Variants in EXTL3 observed in about 807,000 individuals in gnomAD.
The protein encoded by EXTL3 is exostosin like glycosyltransferase 3.
A neutral mutation model predicts 69.3 loss-of-function variants in EXTL3; 27 were observed. The observed-to-expected ratio is 0.39, with a 90% CI of 0.29 to 0.54. The LOEUF is 0.54. Among genes scored for constraint, EXTL3 ranks in the 20% least tolerant of loss-of-function variants. The probability of loss-of-function intolerance (pLI) is 0.69; values close to 1 mark genes in which losing one functional copy is unlikely to be tolerated. For missense variants in EXTL3, 1,003 were observed against 1,231.8 expected, an observed-to-expected ratio of 0.81 and a Z score of 2.78; for synonymous variants, 511 against 499.4, an observed-to-expected ratio of 1.02 and a Z score of -0.31.
intron 3 of EXTL3, among the ~76,000 whole-genome samples, chr8:28,722,614 A>G (rs916581310): frequency 6.6e-6 from 1 of 151,900 alleles, no homozygotes; most frequent in African/African-American, 2.4e-5. Context: ...CATCTCTACA[A>G]AAAAATAGAA....
chr8:28,620,322 C>A (rs1181103744), upstream of EXTL3, among the ~76,000 whole-genome samples: 1 of 152,180 alleles, frequency 6.6e-6, no homozygotes, highest in Non-Finnish European at 1.5e-5. Context: ...TCTCATTTCA[C>A]CCCTGTGGTC....
rs28587335 is a variant in EXTL3, at chr8:28,607,929, C to A, written n.314+171C>A. On this transcript the variant is annotated intron_variant and non_coding_transcript_variant, in intron 2 of 4. Coordinates refer to the EXTL3 transcript ENST00000522725. ...AGATCGAGACCATCCTGGCTAACAC[C>A]ATGAAACCCCGTCTCTACTAAATAC... Among the ~76,000 whole-genome samples, 53 of 151,022 alleles carry A rather than the reference C, an allele frequency of 3.5e-4. No individual in the cohort carries two copies. The Middle Eastern group carries it at 0.01, about 29-fold the overall frequency.
intron 1 of EXTL3, among the ~76,000 whole-genome samples, chr8:28,636,817 C>T (rs1478022414): frequency 2.6e-5 from 4 of 152,146 alleles, no homozygotes. Context: ...TCGAGACCAG[C>T]CTGGCCAACA....
At chr8:28,655,784 C>T (rs527949329) in intron 1 of EXTL3, among the ~76,000 whole-genome samples, 14 of 152,280 alleles carry the variant, frequency 9.2e-5, no homozygotes, top group African/African-American at 2.9e-4. Context: ...TGAGCTGCTG[C>T]ACCTGGCCTA....
chr8:28,753,864 T>TG lies in EXTL3; in HGVS notation c.*3001dup, dbSNP rs755121019. 14 of 151,996 alleles carry TG rather than the reference T, an allele frequency of 9.2e-5. No homozygotes were observed. The highest frequency in any genetic ancestry group is 2.1e-4 in the Non-Finnish European group (14 of 68,012). 9.4% of individuals were successfully genotyped at this position (151,996 alleles called of 1,614,324 possible). The stretch of plus-strand genomic sequence containing the variant: ...CCTGGTGTGGGCTGTGGACCAGAGA[T>TG]GGGTGAACAGACTCACACTCACATG... On this transcript the variant is annotated 3_prime_UTR_variant, in exon 7 of 7. Transcript: ENST00000220562.
chr8:28,608,605 G>A (rs886768529), intron 2 of EXTL3, among the ~76,000 whole-genome samples: 1 of 152,056 alleles, frequency 6.6e-6, no homozygotes. Context: ...GCTCACACCT[G>A]TAATCTTAGC....
chr8:28,672,616 C>G (rs1807314878), intron 1 of EXTL3, among the ~76,000 whole-genome samples: 2 of 152,200 alleles, frequency 1.3e-5, no homozygotes, highest in South Asian at 4.1e-4. Context: ...AGGTCCCATC[C>G]AAAACCGACT....
At chr8:28,665,416 CTTTTTTTT>C (rs34069791) in intron 1 of EXTL3, among the ~76,000 whole-genome samples, 38 of 115,392 alleles carry the variant, frequency 3.3e-4, no homozygotes, top group Non-Finnish European at 3.6e-5. Context: ...CACTTGTTTA[CTTTTTTTT>C]TTTTTTTTTT....
chr8:28,643,688 T>G (rs975493592), intron 1 of EXTL3, among the ~76,000 whole-genome samples: 4 of 151,980 alleles, frequency 2.6e-5, no homozygotes, highest in African/African-American at 4.8e-5. Flanking sequence ...AAAGTGCTGG[T>G]ATTACAGGCG....
At position 28,717,311 on chromosome 8, in the gene EXTL3, C is replaced by T; in HGVS notation, c.1252C>T (p.Arg418Trp). The T allele has an allele frequency of 1.2e-6, 2 of 1,614,238 alleles. No individual in the cohort carries two copies. Among genetic ancestry groups the T allele is most frequent in the East Asian group, 2.2e-5 (1 of 44,884 alleles). The change falls in exon 3 of 7, where the codon CGG (arginine) becomes TGG (tryptophan). Residue 418 changes from arginine (R) to tryptophan (W), a missense_variant. This residue lies in a region of EXTL3 where 742 missense variants were observed against 815.4 expected (regional missense o/e 0.91). Transcript: ENST00000220562. This position sits in a 1 kb window ranked among gnomAD's most constrained non-coding sequence, Gnocchi z 8.3. ...GACTGAGTGGGCACTGTGTGGAGAG[C>T]GGGAGGACCGCTTGGAATTGCTGAA... is the stretch of plus-strand genomic sequence containing the variant. ...LPTEWALCGE[R>W]EDRLELLKLS...
intron 1 of EXTL3, among the ~76,000 whole-genome samples, chr8:28,704,806 C>T (rs1030757479): frequency 2.0e-5 from 3 of 152,124 alleles, no homozygotes; most frequent in African/African-American, 4.8e-5. Flanking sequence ...AAGTAGCTGG[C>T]ATTACAGGTG....
chr8:28,736,874 C>T (rs968339399), intron 4 of EXTL3, among the ~76,000 whole-genome samples: 5 of 152,220 alleles, frequency 3.3e-5, no homozygotes, highest in Non-Finnish European at 2.9e-5. Context: ...GCAATCATAG[C>T]TAACTGCAGC....
At chr8:28,692,106 C>A (rs1293595836) in intron 1 of EXTL3, among the ~76,000 whole-genome samples, 1 of 152,004 alleles carries the variant, frequency 6.6e-6, no homozygotes, top group Non-Finnish European at 1.5e-5. Context: ...TTTCTAAATA[C>A]CTCTTCACTT....
At chr8:28,616,453 G>A (rs1474672045) in intron 2 of EXTL3, among the ~76,000 whole-genome samples, 5 of 152,062 alleles carry the variant, frequency 3.3e-5, no homozygotes, top group South Asian at 2.1e-4. Context: ...GTGAAACCCC[G>A]CCTCTACTAA....
intron 1 of EXTL3, among the ~76,000 whole-genome samples, chr8:28,686,762 C>T (rs1016385880): frequency 1.3e-5 from 2 of 152,150 alleles, no homozygotes; most frequent in Admixed American, 6.5e-5. Flanking sequence ...TTGCATTCCA[C>T]CCGGTAGCAA....
chr8:28,614,771 TC>T (rs2130534083), intron 2 of EXTL3, among the ~76,000 whole-genome samples: 2 of 152,364 alleles, frequency 1.3e-5, no homozygotes, highest in South Asian at 4.1e-4. Flanking sequence ...TAACAATTTT[TC>T]TTGAGACTTC....
Position 28,737,585 on chromosome 8 carries a change from C to A in EXTL3, c.2343C>A (p.Pro781=). The change falls in exon 5 of 7, where the codon CCC becomes CCA. Residue 781 remains proline, a synonymous_variant. Coordinates refer to ENST00000220562, the MANE Select transcript of EXTL3 (RefSeq NM_001440.4). ...GCCGTTACCACGCATGGGACATCCC[C>A]CATCAGTCCTGGCTCTACAACTCCA... ...FPGRYHAWDI[P]HQSWLYNSNY... The A allele has an allele frequency of 6.2e-7, 1 of 1,614,078 alleles. No individual in the cohort carries two copies. The highest frequency in any genetic ancestry group is 1.3e-5 in the African/African-American group (1 of 75,056).
At chr8:28,721,549 A>T (rs990707271) in intron 3 of EXTL3, among the ~76,000 whole-genome samples, 2 of 152,174 alleles carry the variant, frequency 1.3e-5, no homozygotes, top group African/African-American at 4.8e-5. Flanking sequence ...TCTGAATTTT[A>T]GCACCCCTCC....
In EXTL3 at chr8:28,611,886, C is replaced by A. The variant is rs373267055; in HGVS notation, n.314+4128C>A. Reference sequence around the variant, plus strand: ...TTCGCTGCGATGCCAGCCGCTGTCACCCACCCCAGCTAGACCTTGTCATTG... The same window carrying A: ...TTCGCTGCGATGCCAGCCGCTGTCAACCACCCCAGCTAGACCTTGTCATTG... On this transcript the variant is annotated intron_variant and non_coding_transcript_variant, in intron 2 of 4. Coordinates refer to the EXTL3 transcript ENST00000522725. 1.3e-3 allele frequency among the ~76,000 whole-genome samples: 199 copies of A among 152,322 alleles called. 4 individuals carry two copies. In the South Asian group the frequency reaches 0.04, roughly 31 times the overall value.
Sources: gnomAD v4.1 joint callset for allele counts (sites outside exome capture counted in the v4.1 genomes callset) on GRCh38, gnomAD v4.1.1 for gene constraint, gnomAD v4.1.1 regional missense constraint, Gnocchi (gnomAD v3.1) non-coding constraint, MANE v1.5 for transcripts, NCBI Gene and HGNC (gene_info 2026-07-23, HGNC 2026-07-21) for gene names.